The following CASP2 variants were observed in gnomAD, a reference collection of about 807,000 sequenced individuals.
CASP2 encodes caspase 2.
CASP2 carries 38 observed loss-of-function variants against 54.4 expected under a neutral mutation model. That is an observed-to-expected ratio of 0.70 (90% CI 0.54 to 0.92). CASP2 has a LOEUF of 0.92. Ranked by LOEUF, CASP2 falls within the 40% of genes least tolerant of loss-of-function variation. The pLI, the probability that CASP2 is intolerant of heterozygous loss-of-function variation, is 0.00. For missense variants in CASP2, 512 were observed against 579.6 expected (o/e 0.88, Z 1.20); for synonymous variants, 215 against 216.3 (o/e 0.99, Z 0.05).
chr7:143,291,905 A>G (rs1801582803), intron 2 of CASP2, among the ~76,000 whole-genome samples: 2 of 149,658 alleles, frequency 1.3e-5, no homozygotes, highest in Admixed American at 1.3e-4. Flanking sequence ...CAGCCTCCCA[A>G]GTAGCTGGGA....
At position 143,288,468 on chromosome 7, in the gene CASP2, A is replaced by C. The variant is rs1464580628; in HGVS notation, c.13A>C (p.Ser5Arg). 2 of 1,613,054 alleles carry C rather than the reference A, an allele frequency of 1.2e-6. No homozygotes were observed. Among genetic ancestry groups the C allele is most frequent in the African/African-American group, 2.7e-5 (2 of 75,008 alleles). Residue 5 changes from serine (S) to arginine (R), a missense_variant, in exon 1 of 11, where the codon AGC becomes CGC. Coordinates refer to ENST00000310447, the MANE Select transcript of CASP2 (RefSeq NM_032982.4). The stretch of plus-strand genomic sequence containing the variant: ...GGAAAAGCGGGAAATGGCGGCGCCG[A>C]GCGCGGGGTCTTGGTCCACCTTCCA... MAAP[S>R]AGSWSTFQHK...
In CASP2 at chr7:143,300,027, T is replaced by C. The variant is rs764470760; in HGVS notation, c.852T>C (p.Tyr284=). ...CGCATGGTGTGGAGGGCGCCATCTA[T>C]GGTGTGGATGGGAAACTGCTCCAGG... ...LLSHGVEGAI[Y]GVDGKLLQLQ... is the part of the protein sequence containing the mutation. Residue 284 remains tyrosine, a synonymous_variant, in exon 7 of 11, where the codon TAT becomes TAC. Coordinates refer to ENST00000310447, the MANE Select transcript of CASP2 (RefSeq NM_032982.4). The C allele has an allele frequency of 9.9e-6, 16 of 1,613,974 alleles. No homozygotes were observed. Among genetic ancestry groups the C allele is most frequent in the East Asian group, 6.7e-5 (3 of 44,882 alleles).
At position 143,288,387 on chromosome 7, in the gene CASP2, G is replaced by A. The variant is rs567598672; in HGVS notation, c.-69G>A. 15 of 1,502,290 alleles carry A rather than the reference G, an allele frequency of 1.0e-5. No homozygotes were observed. Among genetic ancestry groups the A allele is most frequent in the South Asian group, 9.2e-5 (8 of 86,930 alleles). 93.1% of individuals were successfully genotyped at this position (1,502,290 alleles called of 1,614,324 possible). A position where few individuals can be genotyped will look rare whatever the true frequency, so the allele number is the denominator to read the frequency against. ...CCGCGTCTGAGGGGAGGGATGTGGG[G>A]GAAGCGACGGCCCCCGGTTTGTTTG... On this transcript the variant is annotated 5_prime_UTR_variant, in exon 1 of 11. Coordinates refer to ENST00000310447, the MANE Select transcript of CASP2 (RefSeq NM_032982.4).
chr7:143,292,088 C>A (rs564330250), intron 2 of CASP2, among the ~76,000 whole-genome samples: 2 of 151,834 alleles, frequency 1.3e-5, no homozygotes, highest in African/African-American at 2.4e-5. Flanking sequence ...GGATGTTGTA[C>A]CTTTCTAAAG....
chr7:143,302,424 G>C (rs1211637902), intron 8 of CASP2: 1 of 152,082 alleles, frequency 6.6e-6, no homozygotes, highest in Non-Finnish European at 1.5e-5. Context: ...GAAAATTTGA[G>C]TTCACCTGTC....
chr7:143,289,026 G>T (rs1376595020), intron 1 of CASP2, among the ~76,000 whole-genome samples: 2 of 152,182 alleles, frequency 1.3e-5, no homozygotes, highest in African/African-American at 4.8e-5. Flanking sequence ...GTCAATACAG[G>T]GTTTGGAAAT....
At chr7:143,303,614 A>T (rs1031709555) in intron 8 of CASP2, 170 bp from the exon 9 acceptor site, 8 of 590,372 alleles carry the variant, frequency 1.4e-5, no homozygotes, top group African/African-American at 3.8e-5. Flanking sequence ...ATGCTGAGAG[A>T]GTAATAATTT....
In CASP2 at chr7:143,294,217, G is replaced by C; in HGVS notation, c.476-13G>C. The C allele has an allele frequency of 6.5e-7, 1 of 1,535,806 alleles. No individual in the cohort carries two copies. The highest frequency in any genetic ancestry group is 9.0e-7 in the Non-Finnish European group (1 of 1,108,848). ...TTATATACTAGTTTTTTGGTTTTCT[G>C]TCTATACCACAGATACTGTGGAACA... On this transcript the variant is annotated splice_polypyrimidine_tract_variant and intron_variant, in intron 4 of 10. Transcript: ENST00000310447.
chr7:143,303,962 A>G, intron 9 of CASP2, 29 bp downstream of exon 9: 1 of 1,557,142 alleles, frequency 6.4e-7, no homozygotes, highest in South Asian at 1.2e-5. Context: ...GAGTTGAGTC[A>G]TACCTCATTT....
intron 9 of CASP2, 94 bp from the exon 10 acceptor site, chr7:143,304,580 C>A: frequency 2.3e-6 from 2 of 868,212 alleles, no homozygotes; most frequent in East Asian, 4.8e-5. Flanking sequence ...GGTTCTCTGA[C>A]TAGGGAGGGT....
Position 143,294,263 on chromosome 7 carries a change from G to T in CASP2, c.509G>T (p.Gly170Val). ...GAACACTCCCTAGACAATAAAGATG[G>T]TCCTGTCTGCCTTCAGGTGAAGCCT... ...TVEHSLDNKDGPVCLQVKPCT... is the reference protein window; with the variant it reads ...TVEHSLDNKDVPVCLQVKPCT... The change falls in exon 5 of 11, where the codon GGT becomes GTT. Residue 170 changes from glycine (G) to valine (V), a missense_variant. Gly to Val is a moderately radical substitution (Grantham distance 109). Coordinates refer to ENST00000310447, the MANE Select transcript of CASP2 (RefSeq NM_032982.4). The T allele has an allele frequency of 2.5e-6, 4 of 1,612,070 alleles. No individual in the cohort carries two copies. In the East Asian group the frequency reaches 8.9e-5, roughly 36 times the overall value.
At position 143,307,004 on chromosome 7, in the gene CASP2, G is replaced by GC. The variant is rs2116815553; in HGVS notation, c.*1936dup. ...AGCTTCTAATTTTGTGCTCTTTCCT[G>GC]CCCTTTTCCTGGGCCTTCTCAGCTC... On this transcript the variant is annotated 3_prime_UTR_variant, in exon 11 of 11. Coordinates refer to ENST00000310447, the MANE Select transcript of CASP2 (RefSeq NM_032982.4). 1 of 152,276 alleles carries GC rather than the reference G, an allele frequency of 6.6e-6. No homozygotes were observed. The highest frequency in any genetic ancestry group is 2.1e-4 in the South Asian group (1 of 4,814). 9.4% of individuals were successfully genotyped at this position (152,276 alleles called of 1,614,324 possible).
intron 6 of CASP2, among the ~76,000 whole-genome samples, chr7:143,295,928 G>A (rs1424539383): frequency 6.6e-6 from 1 of 152,220 alleles, no homozygotes; most frequent in African/African-American, 2.4e-5. Flanking sequence ...AAGGGGCAAA[G>A]GGCAGGGTAC....
Position 143,288,529 on chromosome 7 carries a change from G to T in CASP2, c.74G>T (p.Arg25Met), listed in dbSNP as rs1305291328. 6.2e-7 allele frequency: 1 copy of T among 1,613,020 alleles called. No homozygotes were observed. Among genetic ancestry groups the T allele is most frequent in the East Asian group, 2.2e-5 (1 of 44,868 alleles). ...CTGATGGCCGCTGACAGGGGACGCAGGTAAGTAGGGAACGGTCTTAGGGCT... is the reference window on the plus strand; with the variant it reads ...CTGATGGCCGCTGACAGGGGACGCATGTAAGTAGGGAACGGTCTTAGGGCT... ...KELMAADRGR[R>M]ILGVCGMHPH... Residue 25 changes from arginine to methionine, a missense_variant and splice_region_variant, in exon 1 of 11, where the codon AGG (arginine) becomes ATG (methionine). This residue lies in a region of CASP2 where 89 missense variants were observed against 67.1 expected (regional missense o/e 1.33). Transcript: ENST00000310447.
At chr7:143,294,831 C>T (rs1277801749) in intron 6 of CASP2, 58 bp downstream of exon 6, 2 of 1,443,144 alleles carry the variant, frequency 1.4e-6, no homozygotes, top group Admixed American at 3.7e-5. Flanking sequence ...CACTTTGGGA[C>T]CAGAGACATC....
At chr7:143,290,703 G>C (rs1450442487) in intron 1 of CASP2, 1 of 152,370 alleles carries the variant, frequency 6.6e-6, no homozygotes, top group African/African-American at 2.4e-5. Flanking sequence ...CTGGGCTATA[G>C]TGTGCTATGC....
In CASP2 at chr7:143,291,544, T is replaced by C. The variant is rs776794771; in HGVS notation, c.79T>C (p.Leu27=). Residue 27 remains leucine, a synonymous_variant, in exon 2 of 11, where the codon TTG becomes CTG. Coordinates refer to ENST00000310447, the MANE Select transcript of CASP2 (RefSeq NM_032982.4). ...CCTTCTACCGTTTATCTGTAGGATA[T>C]TGGGAGTGTGTGGCATGCATCCTCA... ...LMAADRGRRI[L]GVCGMHPHHQ... 1 of 1,614,106 alleles carries C rather than the reference T, an allele frequency of 6.2e-7. No individual in the cohort carries two copies. Among genetic ancestry groups the C allele is most frequent in the Non-Finnish European group, 8.5e-7 (1 of 1,179,992 alleles).
At chr7:143,294,907 C>T in intron 6 of CASP2, 134 bp downstream of exon 6, 2 of 788,162 alleles carry the variant, frequency 2.5e-6, no homozygotes, top group Admixed American at 2.0e-5. Context: ...TTTTTACTCA[C>T]TCTGTTCTGC....
chr7:143,289,525 C>A, intron 1 of CASP2: 1 of 562,714 alleles, frequency 1.8e-6, no homozygotes, highest in Non-Finnish European at 2.3e-6. Flanking sequence ...CAAAGGCCCT[C>A]TAAAGAAAAC....
Sources: allele counts gnomAD v4.1 joint callset (sites outside exome capture counted in the v4.1 genomes callset), GRCh38; gene constraint gnomAD v4.1.1; regional missense constraint gnomAD v4.1.1; transcripts MANE v1.5; gene names NCBI Gene and HGNC (gene_info 2026-07-23, HGNC 2026-07-21).